RMC1: variants seen among roughly 807,000 people sequenced by gnomAD.
The protein encoded by RMC1 is regulator of MON1-CCZ1.
RMC1 carries 44 observed loss-of-function variants against 95.5 expected under a neutral mutation model. The ratio of observed to expected loss-of-function variants is 0.46; its 90% CI spans 0.36 to 0.59. The LOEUF (loss-of-function observed/expected upper bound fraction) is 0.59, where lower values mean the gene tolerates loss of function less well. Ranked by LOEUF, RMC1 falls within the 20% of genes least tolerant of loss-of-function variation. The probability of loss-of-function intolerance (pLI) is 0.00; values close to 1 mark genes in which losing one functional copy is unlikely to be tolerated. For synonymous variants in RMC1, 320 were observed against 303.6 expected, an observed-to-expected ratio of 1.05 and a Z score of -0.56; for missense variants, 705 against 819.6, an observed-to-expected ratio of 0.86 and a Z score of 1.71.
intron 9 of RMC1, among the ~76,000 whole-genome samples, chr18:23,519,580 G>C (rs940507066): frequency 3.3e-5 from 5 of 152,148 alleles, no homozygotes; most frequent in African/African-American, 1.2e-4. Flanking sequence ...TTTATGCTAA[G>C]AGTTTTGGTC....
At chr18:23,527,960 C>G (rs1220377832) in intron 14 of RMC1, 59 bp downstream of exon 14, 1 of 1,364,468 alleles carries the variant, frequency 7.3e-7, no homozygotes, top group Admixed American at 2.2e-5. Flanking sequence ...CGGGTATTTT[C>G]TAAGTAATTA....
chr18:23,520,361 G>T, intron 10 of RMC1, 48 bp downstream of exon 10: 1 of 1,439,704 alleles, frequency 6.9e-7, no homozygotes, highest in South Asian at 1.2e-5. Flanking sequence ...TCACCATGTG[G>T]CTGTGTTCTC....
Position 23,508,151 on chromosome 18 carries a change from T to C in RMC1, c.321+110T>C, listed in dbSNP as rs147263748. 7.4e-3 allele frequency: 7,006 copies of C among 946,854 alleles called. 60 individuals are homozygous for C. The highest frequency in any genetic ancestry group is 7.3e-3 in the Non-Finnish European group (4,839 of 663,026). 58.7% of individuals were successfully genotyped at this position (946,854 alleles called of 1,614,324 possible). A position where few individuals can be genotyped will look rare whatever the true frequency, so the allele number is the denominator to read the frequency against. ...AGGGAGCACAGACTTGAAGTCAGACTGTCCCTCATGTTGATTCCCAAACTG... is the reference window on the plus strand; with the variant it reads ...AGGGAGCACAGACTTGAAGTCAGACCGTCCCTCATGTTGATTCCCAAACTG... On this transcript the variant is annotated intron_variant, in intron 4 of 19. Transcript: ENST00000269221.
At chr18:23,516,243 G>T (rs931356675) in intron 6 of RMC1, 77 bp from the exon 7 acceptor site, 2 of 1,512,176 alleles carry the variant, frequency 1.3e-6, no homozygotes, top group Non-Finnish European at 1.8e-6. Flanking sequence ...GTTTATCCTT[G>T]TTGGTTTTAC....
intron 2 of RMC1, among the ~76,000 whole-genome samples, chr18:23,505,122 A>G (rs2057680845): frequency 6.6e-6 from 1 of 152,038 alleles, no homozygotes; most frequent in South Asian, 2.1e-4. Flanking sequence ...CAGTGGTGCG[A>G]TCTTGGCTGA....
In RMC1 at chr18:23,503,584, C is replaced by T. The variant is rs375700834; in HGVS notation, c.-35C>T. On this transcript the variant is annotated 5_prime_UTR_variant, in exon 1 of 20. Transcript: ENST00000269221. ...GCATCCTGCTCCACTCTGGCGACCG[C>T]CCCCGGGGCCCCCGCCGCGGGCGCG... is the stretch of plus-strand genomic sequence containing the variant. 1.3e-4 allele frequency: 193 copies of T among 1,511,790 alleles called. 1 individual carries two copies. The highest frequency in any genetic ancestry group is 3.0e-4 in the Admixed American group (15 of 50,456). 93.6% of individuals were successfully genotyped at this position (1,511,790 alleles called of 1,614,324 possible).
rs1333653195 is a variant in RMC1, at chr18:23,529,176, C to T, written c.1297-3C>T. The T allele has an allele frequency of 6.2e-7, 1 of 1,607,002 alleles. No individual in the cohort carries two copies. On this transcript the variant is annotated splice_polypyrimidine_tract_variant and splice_region_variant and intron_variant, in intron 14 of 19. Coordinates refer to ENST00000269221, the MANE Select transcript of RMC1 (RefSeq NM_013326.5). Reference sequence around the variant, plus strand: ...ATCATAGTTTGTGGTTTTTTTCTTTCAGGCGGTGGAAGCAGGGCAGAGCCG... The same window carrying T: ...ATCATAGTTTGTGGTTTTTTTCTTTTAGGCGGTGGAAGCAGGGCAGAGCCG...
At chr18:23,516,115 G>A in intron 6 of RMC1, 119 bp downstream of exon 6, 1 of 1,466,840 alleles carries the variant, frequency 6.8e-7, no homozygotes, top group Admixed American at 1.8e-5. Context: ...TCACCGCTCT[G>A]ACCACTAGAG....
intron 7 of RMC1, among the ~76,000 whole-genome samples, chr18:23,517,071 A>G (rs1209138687): frequency 6.6e-6 from 1 of 152,072 alleles, no homozygotes; most frequent in Non-Finnish European, 1.5e-5. Context: ...ATTGTTCTAA[A>G]TAAGAAAATA....
rs770128963 is a variant in RMC1, at chr18:23,530,108, C to T, written c.1575C>T (p.His525=). The T allele has an allele frequency of 3.7e-6, 6 of 1,614,190 alleles. No individual in the cohort carries two copies. Among genetic ancestry groups the T allele is most frequent in the Admixed American group, 1.7e-5 (1 of 60,030 alleles). ...TGCTGCATCAGTTCCTGCAGTACCA[C>T]GTCCTCAGCGACTCCAAACCTTTGG... The part of the protein sequence containing the change: ...FYMLHQFLQY[H]VLSDSKPLAC... The change falls in exon 17 of 20, where the codon CAC becomes CAT. Residue 525 remains histidine, a synonymous_variant. Coordinates refer to ENST00000269221, the MANE Select transcript of RMC1 (RefSeq NM_013326.5).
In RMC1 at chr18:23,516,380, A is replaced by G; in HGVS notation, c.610A>G (p.Thr204Ala). 1.9e-6 allele frequency: 3 copies of G among 1,614,234 alleles called. No individual in the cohort carries two copies. The highest frequency in any genetic ancestry group is 1.1e-5 in the South Asian group (1 of 91,084). ...EIELPAAPKS[T>A]KPSLSERDIA... is the part of the protein sequence containing the mutation. ...TGAATTACCAGCTGCGCCTAAGTCA[A>G]CTAAACCCAGCCTTTCCGAAAGAGA... The change falls in exon 7 of 20, where the codon ACT becomes GCT. Residue 204 changes from threonine (T) to alanine (A), a missense_variant. Transcript: ENST00000269221.
At chr18:23,518,058 T>G (rs940153188) in intron 7 of RMC1, among the ~76,000 whole-genome samples, 17 of 152,248 alleles carry the variant, frequency 1.1e-4, no homozygotes, top group African/African-American at 4.1e-4. Context: ...AGAGCAGTCC[T>G]GGCTGAAGTG....
chr18:23,522,578 C>G (rs2058171644), intron 10 of RMC1: 1 of 152,420 alleles, frequency 6.6e-6, no homozygotes, highest in African/African-American at 2.4e-5. Flanking sequence ...CCAGGGAAGC[C>G]AAAACATTGG....
At chr18:23,523,543 CAAAAAAAAAAAAAAA>C (rs374224848) in intron 10 of RMC1, among the ~76,000 whole-genome samples, 1 of 76,404 alleles carries the variant, frequency 1.3e-5, no homozygotes. Context: ...CTTGTCTTCA[CAAAAAAAAAAAAAAA>C]AAAAAAAAAA....
chr18:23,514,155 A>G (rs1273544021), intron 5 of RMC1, among the ~76,000 whole-genome samples: 1 of 152,194 alleles, frequency 6.6e-6, no homozygotes, highest in Non-Finnish European at 1.5e-5. Context: ...TTTAGAATGT[A>G]TGGTTAGAGA....
chr18:23,525,553 T>C (rs892673146), intron 12 of RMC1, among the ~76,000 whole-genome samples: 3 of 152,172 alleles, frequency 2.0e-5, no homozygotes, highest in African/African-American at 4.8e-5. Context: ...GCCTCCCCAG[T>C]AGCTGGGATT....
At chr18:23,518,383 TG>T in intron 7 of RMC1, among the ~76,000 whole-genome samples, 1 of 152,094 alleles carries the variant, frequency 6.6e-6, no homozygotes, top group Middle Eastern at 3.4e-3. Context: ...TCCTAGCTAC[TG>T]GGGAGGCTGA....
At chr18:23,515,284 G>A (rs909382680) in intron 5 of RMC1, among the ~76,000 whole-genome samples, 4 of 152,188 alleles carry the variant, frequency 2.6e-5, no homozygotes, top group African/African-American at 9.7e-5. Context: ...GCTTTGTTAA[G>A]GGGCAGGTTC....
In RMC1 at chr18:23,523,543, C is replaced by CAAAAAAAA. The variant is rs374224848; in HGVS notation, c.962-568_962-561dup. Among the ~76,000 whole-genome samples, 52 of 76,328 alleles carry CAAAAAAAA rather than the reference C, an allele frequency of 6.8e-4. 1 individual carries two copies. Among genetic ancestry groups the CAAAAAAAA allele is most frequent in the Non-Finnish European group, 8.0e-4 (34 of 42,530 alleles). 50.1% of individuals were successfully genotyped at this position (76,328 alleles called of 152,430 possible). ...CTAGGTAACATAGACCTTGTCTTCA[C>CAAAAAAAA]AAAAAAAAAAAAAAAAAAAAAAAAA... On this transcript the variant is annotated intron_variant, in intron 10 of 19. Transcript: ENST00000269221.
Sources: allele counts gnomAD v4.1 joint callset (sites outside exome capture counted in the v4.1 genomes callset), GRCh38; gene constraint gnomAD v4.1.1; transcripts MANE v1.5; gene names NCBI Gene and HGNC (gene_info 2026-07-23, HGNC 2026-07-21).